ATG7: variants seen among roughly 807,000 people sequenced by gnomAD.
ATG7 encodes the protein ubiquitin-like modifier-activating enzyme ATG7.
A neutral mutation model predicts 82.4 loss-of-function variants in ATG7; 70 were observed. The ratio of observed to expected loss-of-function variants is 0.85; its 90% confidence interval spans 0.70 to 1.04. ATG7 has a LOEUF of 1.04. Ranked by LOEUF, ATG7 falls within the 50% of genes least tolerant of loss-of-function variation. ATG7 has a pLI of 0.00. For missense variants in ATG7, 792 were observed against 864.3 expected (o/e 0.92, Z 1.05); for synonymous variants, 287 against 313.0 (o/e 0.92, Z 0.88).
At chr3:11,568,719 C>A in the ATG7 span, 1 of 1,545,358 alleles carries the variant, frequency 6.5e-7, no homozygotes, top group East Asian at 2.4e-5. The surrounding 1 kb of genome is among the most constrained non-coding windows in gnomAD (Gnocchi z 5.9). Context: ...CATGTGCTCC[C>A]GGGGACGGCA....
At chr3:11,373,292 T>C (rs1410507960) in intron 18 of ATG7, among the ~76,000 whole-genome samples, 1 of 152,238 alleles carries the variant, frequency 6.6e-6, no homozygotes, top group East Asian at 1.9e-4. Flanking sequence ...TAACATGAAC[T>C]AAATTAGGTG....
chr3:11,448,447 G>T (rs529475628), intron 20 of ATG7, among the ~76,000 whole-genome samples: 1 of 152,288 alleles, frequency 6.6e-6, no homozygotes, highest in East Asian at 1.9e-4. Flanking sequence ...AGATGGCCAG[G>T]CTCAGTGACA....
Position 11,500,594 on chromosome 3 carries a change from A to T in ATG7, c.2080-54217A>T, listed in dbSNP as rs548735903. ...AAATGATGTGAAAGTTCTACACGTA[A>T]AATTTTTGAGTATAGATAATACAGT... On this transcript the variant is annotated intron_variant, in intron 20 of 20. Transcript: ENST00000693202. 5.9e-5 allele frequency among the ~76,000 whole-genome samples: 9 copies of T among 152,316 alleles called. No individual in the cohort carries two copies. In the South Asian group the frequency reaches 1.5e-3, roughly 25 times the overall value.
intron 20 of ATG7, among the ~76,000 whole-genome samples, chr3:11,472,885 C>G (rs946312918): frequency 3.3e-5 from 5 of 152,180 alleles, no homozygotes; most frequent in African/African-American, 1.2e-4. Flanking sequence ...TTGATAAGAT[C>G]AGGGAATCCT....
At chr3:11,565,031 G>A in the ATG7 span, 8 of 1,472,010 alleles carry the variant, frequency 5.4e-6, no homozygotes, top group South Asian at 4.4e-5. This position sits in a 1 kb window ranked among gnomAD's most constrained non-coding sequence, Gnocchi z 4.1. Context: ...TGAAAAAGAG[G>A]AATGGGCATT....
intron 18 of ATG7, among the ~76,000 whole-genome samples, chr3:11,378,899 T>C (rs1208701581): frequency 1.3e-5 from 2 of 151,994 alleles, no homozygotes; most frequent in Non-Finnish European, 2.9e-5. Context: ...GGCATGGTGT[T>C]AATAGGATGG....
chr3:11,294,541 TG>T (rs1430683978), intron 3 of ATG7, among the ~76,000 whole-genome samples: 12 of 152,154 alleles, frequency 7.9e-5, no homozygotes, highest in Admixed American at 7.9e-4. Flanking sequence ...TGTTTTCCAT[TG>T]GGCAAAATTA....
intron 20 of ATG7, among the ~76,000 whole-genome samples, chr3:11,440,956 T>TA (rs1559630146): frequency 6.6e-6 from 1 of 152,020 alleles, no homozygotes. Context: ...AGTGCTGAGA[T>TA]ATAGGCATGA....
chr3:11,358,320 T>C, intron 14 of ATG7, 98 bp from the exon 15 acceptor site: 1 of 1,237,118 alleles, frequency 8.1e-7, no homozygotes, highest in East Asian at 2.3e-5. Context: ...CTCATGTATG[T>C]GAACACAAGT....
intron 19 of ATG7, among the ~76,000 whole-genome samples, chr3:11,406,964 A>G (rs1016565798): frequency 2.0e-5 from 3 of 152,166 alleles, no homozygotes; most frequent in African/African-American, 7.2e-5. Context: ...TCGTATCTTC[A>G]CATTTCAAAA....
At chr3:11,510,578 C>G (rs575323980) in intron 20 of ATG7, among the ~76,000 whole-genome samples, 25 of 152,208 alleles carry the variant, frequency 1.6e-4, no homozygotes, top group Admixed American at 1.4e-3. Flanking sequence ...ACTCGCCGCC[C>G]ACATCCAGCA....
chr3:11,348,678 G>A (rs1188605573), intron 14 of ATG7: 1 of 152,260 alleles, frequency 6.6e-6, no homozygotes, highest in Non-Finnish European at 1.5e-5. Context: ...CAGCGTGGAA[G>A]GGGACCCAAG....
chr3:11,366,218 C>CAAAAAAA, intron 18 of ATG7, among the ~76,000 whole-genome samples: 1 of 60,646 alleles, frequency 1.6e-5, no homozygotes, highest in Non-Finnish European at 3.5e-5. Context: ...GACTCCATCT[C>CAAAAAAA]AAAAAAAAAA....
intron 11 of ATG7, among the ~76,000 whole-genome samples, chr3:11,339,090 A>G (rs1254927824): frequency 6.6e-6 from 1 of 152,026 alleles, no homozygotes; most frequent in East Asian, 1.9e-4. Flanking sequence ...AGGTCAGGAG[A>G]TCAAGACCAT....
chr3:11,488,784 G>A (rs1225204184), intron 20 of ATG7, among the ~76,000 whole-genome samples: 2 of 152,214 alleles, frequency 1.3e-5, no homozygotes, highest in Non-Finnish European at 2.9e-5. Context: ...GCTTTTTGAT[G>A]TGCTGCTGGA....
At chr3:11,418,072 A>G (rs867984118) in intron 19 of ATG7, among the ~76,000 whole-genome samples, 21 of 151,036 alleles carry the variant, frequency 1.4e-4, no homozygotes, top group Admixed American at 2.0e-4. Context: ...CGGCCTCCCA[A>G]AGTGCTGGGA....
At chr3:11,563,525 G>A in the ATG7 span, among the ~76,000 whole-genome samples, 1 of 152,214 alleles carries the variant, frequency 6.6e-6, no homozygotes, top group Admixed American at 6.5e-5. Context: ...CCCTGTGGCC[G>A]TGACAGTGTC....
intron 20 of ATG7, among the ~76,000 whole-genome samples, chr3:11,456,892 A>C (rs1243157764): frequency 6.6e-6 from 1 of 152,210 alleles, no homozygotes; most frequent in Non-Finnish European, 1.5e-5. Context: ...ATGTGTAAGT[A>C]GTTGGTATAC....
chr3:11,358,206 C>T (rs1386499044), intron 14 of ATG7, among the ~76,000 whole-genome samples: 1 of 151,948 alleles, frequency 6.6e-6, no homozygotes, highest in Non-Finnish European at 1.5e-5. Context: ...GCTGCCCTGC[C>T]CTGCCTCAGG....
Sources: gnomAD v4.1 joint callset for allele counts (sites outside exome capture counted in the v4.1 genomes callset) on GRCh38, gnomAD v4.1.1 for gene constraint, Gnocchi (gnomAD v3.1) non-coding constraint, MANE v1.5 for transcripts, NCBI Gene and HGNC (gene_info 2026-07-23, HGNC 2026-07-21) for gene names.